Variants in CNTNAP2 observed in about 807,000 individuals in gnomAD.
CNTNAP2 encodes the protein contactin associated protein 2.
Under a neutral mutation model 155.2 loss-of-function variants are expected in CNTNAP2, and 98 were observed. The ratio of observed to expected loss-of-function variants is 0.63; its 90% CI spans 0.54 to 0.75. The LOEUF is 0.75. CNTNAP2 is among the 30% of genes least tolerant of loss of function. The probability of loss-of-function intolerance (pLI) is 0.00; values close to 1 mark genes in which losing one functional copy is unlikely to be tolerated. For missense variants in CNTNAP2, 1,727 were observed against 1,688.1 expected (o/e 1.02, Z -0.40); for synonymous variants, 651 against 631.2 (o/e 1.03, Z -0.47).
In CNTNAP2 at chr7:147,798,984, G is replaced by A. The variant is rs570690861; in HGVS notation, c.2099-104581G>A. 8.5e-5 allele frequency among the ~76,000 whole-genome samples: 13 copies of A among 152,292 alleles called. No homozygotes were observed. In the East Asian group the frequency reaches 2.3e-3, roughly 27 times the overall value. On this transcript the variant is annotated intron_variant, in intron 13 of 23. Transcript: ENST00000361727. ...AGGCAAAGAAGATGGATGATGGTAA[G>A]CTTGCTGAAGCTCACCTTCTCTCAC...
intron 16 of CNTNAP2, among the ~76,000 whole-genome samples, chr7:148,124,617 T>C (rs886619895): frequency 5.9e-5 from 9 of 152,168 alleles, no homozygotes; most frequent in Non-Finnish European, 8.8e-5. Flanking sequence ...ACAGTGTGGA[T>C]ACATAATTTC....
At chr7:147,565,849 A>G (rs147194491) in intron 12 of CNTNAP2, among the ~76,000 whole-genome samples, 53 of 152,278 alleles carry the variant, frequency 3.5e-4, no homozygotes, top group Middle Eastern at 3.4e-3. Flanking sequence ...TGCAAATTTT[A>G]CAGTTGGGTG....
rs138845246 is a variant in CNTNAP2, at chr7:147,664,220, G to A, written c.2098+24914G>A. ...TATTTGTATTAAAAAGTGATAGAAC[G>A]TATAGTCAAGACGGATGGATTAAAT... On this transcript the variant is annotated intron_variant, in intron 13 of 23. Transcript: ENST00000361727. 6.0e-3 allele frequency among the ~76,000 whole-genome samples: 920 copies of A among 152,286 alleles called. 6 individuals are homozygous for A. The highest frequency in any genetic ancestry group is 0.011 in the Non-Finnish European group (750 of 68,028).
At chr7:147,978,331 G>T in intron 15 of CNTNAP2, 1 of 345,024 alleles carries the variant, frequency 2.9e-6, no homozygotes, top group Non-Finnish European at 5.6e-6. Context: ...AATGCCATTA[G>T]GATGACTATT....
At chr7:147,740,809 GA>G (rs1225323880) in intron 13 of CNTNAP2, among the ~76,000 whole-genome samples, 1 of 152,212 alleles carries the variant, frequency 6.6e-6, no homozygotes, top group Non-Finnish European at 1.5e-5. Context: ...TTATGAAAGG[GA>G]GTGTGCTAAG....
chr7:147,563,857 C>T (rs1322591429), intron 12 of CNTNAP2, among the ~76,000 whole-genome samples: 1 of 152,016 alleles, frequency 6.6e-6, no homozygotes, highest in African/African-American at 2.4e-5. Context: ...AACTGAAAAC[C>T]ATGAATGGTA....
At chr7:147,625,648 G>C (rs1231283343) in intron 12 of CNTNAP2, among the ~76,000 whole-genome samples, 2 of 152,178 alleles carry the variant, frequency 1.3e-5, no homozygotes, top group Admixed American at 6.5e-5. Flanking sequence ...ATAGGAGATA[G>C]GGCTAATGTG....
intron 15 of CNTNAP2, among the ~76,000 whole-genome samples, chr7:148,066,504 T>G (rs1803266278): frequency 1.3e-5 from 2 of 152,152 alleles, no homozygotes; most frequent in South Asian, 4.1e-4. Context: ...TTTTTTTCTT[T>G]TTTTTTAGTT....
intron 13 of CNTNAP2, among the ~76,000 whole-genome samples, chr7:147,775,441 T>C (rs1797570697): frequency 7.5e-6 from 1 of 133,660 alleles, no homozygotes; most frequent in East Asian, 2.1e-4. Context: ...GAAGAAATTC[T>C]GAACCATAAT....
intron 1 of CNTNAP2, among the ~76,000 whole-genome samples, chr7:146,392,753 A>G (rs1795563275): frequency 6.6e-6 from 1 of 152,158 alleles, no homozygotes; most frequent in African/African-American, 2.4e-5. Flanking sequence ...TAACGACACT[A>G]TCGACTGAAG....
rs11377306 is a variant in CNTNAP2 at position 147,263,377 on chromosome 7, T to TAA, written c.1349-36754_1349-36753dup. Among the ~76,000 whole-genome samples the TAA allele has an allele frequency of 4.0e-4, 59 of 148,502 alleles. 1 individual carries two copies. The highest frequency in any genetic ancestry group is 6.7e-4 in the Admixed American group (10 of 14,926). The stretch of plus-strand genomic sequence containing the variant: ...CCCTGCCTGGGAGAAAAATAAAAAT[T>TAA]AAAAAAAAAAAGTCACTTCTGACTA... On this transcript the variant is annotated intron_variant, in intron 8 of 23. Coordinates refer to ENST00000361727, the MANE Select transcript of CNTNAP2 (RefSeq NM_014141.6).
chr7:148,049,715 C>T (rs1249365922), intron 15 of CNTNAP2, among the ~76,000 whole-genome samples: 1 of 152,198 alleles, frequency 6.6e-6, no homozygotes, highest in Admixed American at 6.5e-5. Flanking sequence ...AAACCTACTG[C>T]ACTGCCAGGC....
chr7:146,677,771 GCTATAC>G (rs1278445720), intron 1 of CNTNAP2, among the ~76,000 whole-genome samples: 40 of 151,992 alleles, frequency 2.6e-4, no homozygotes, highest in Middle Eastern at 3.4e-3. Context: ...CTATTGATTA[GCTATAC>G]GTTGTTCTCT....
chr7:147,544,692 A>G (rs188420420), intron 11 of CNTNAP2, among the ~76,000 whole-genome samples: 85 of 152,066 alleles, frequency 5.6e-4, no homozygotes, highest in Admixed American at 1.8e-3. Flanking sequence ...CTTGAATTGT[A>G]ACTCCCATAA....
chr7:146,503,383 T>G (rs1019023137), intron 1 of CNTNAP2, among the ~76,000 whole-genome samples: 1 of 152,186 alleles, frequency 6.6e-6, no homozygotes, highest in African/African-American at 2.4e-5. Context: ...ATTATGAAAT[T>G]TATTGGCAAT....
At chr7:147,640,783 A>G (rs888758598) in intron 13 of CNTNAP2, among the ~76,000 whole-genome samples, 5 of 152,148 alleles carry the variant, frequency 3.3e-5, no homozygotes, top group Admixed American at 1.3e-4. Flanking sequence ...AGACAGAGAG[A>G]GGAAGGGATT....
chr7:147,257,670 G>T (rs879377571), intron 8 of CNTNAP2, among the ~76,000 whole-genome samples: 1 of 152,188 alleles, frequency 6.6e-6, no homozygotes, highest in Non-Finnish European at 1.5e-5. Flanking sequence ...ATGACGCTAG[G>T]AAATTGGGAG....
At chr7:147,755,077 T>A (rs1452796217) in intron 13 of CNTNAP2, among the ~76,000 whole-genome samples, 1 of 152,082 alleles carries the variant, frequency 6.6e-6, no homozygotes, top group Non-Finnish European at 1.5e-5. Flanking sequence ...TGCCTACACA[T>A]GTAGTAAATC....
At chr7:146,842,200 A>G (rs1160275096) in intron 3 of CNTNAP2, among the ~76,000 whole-genome samples, 2 of 151,996 alleles carry the variant, frequency 1.3e-5, no homozygotes, top group Admixed American at 6.5e-5. Context: ...GACTCTTGAT[A>G]TTACATAGAA....
Sources: gnomAD v4.1 joint callset for allele counts (sites outside exome capture counted in the v4.1 genomes callset) on GRCh38, gnomAD v4.1.1 for gene constraint, MANE v1.5 for transcripts, NCBI Gene and HGNC (gene_info 2026-07-23, HGNC 2026-07-21) for gene names.